Variants in ADAMTSL3 observed in about 807,000 individuals in gnomAD.
ADAMTSL3 encodes ADAMTS like 3.
In ADAMTSL3, 128 loss-of-function variants were observed where a neutral mutation model predicts 201.7. The observed-to-expected ratio is 0.63, with a 90% CI of 0.55 to 0.73. The LOEUF is 0.73. Among genes scored for constraint, ADAMTSL3 ranks in the 30% least tolerant of loss-of-function variants. The pLI is 0.00. For synonymous variants in ADAMTSL3, 738 were observed against 748.4 expected (o/e 0.99, Z 0.23); for missense variants, 1,990 against 2,119.6 (o/e 0.94, Z 1.20).
chr15:83,936,330 G>A (rs2066460054), intron 17 of ADAMTSL3, among the ~76,000 whole-genome samples: 1 of 150,478 alleles, frequency 6.6e-6, no homozygotes, highest in Admixed American at 6.6e-5. Context: ...TAACAGAGGG[G>A]AAAACAGAAT....
chr15:83,939,677 A>T (rs1399609209), intron 17 of ADAMTSL3, among the ~76,000 whole-genome samples: 1 of 150,426 alleles, frequency 6.6e-6, no homozygotes, highest in Non-Finnish European at 1.5e-5. Flanking sequence ...GCTGGAGTGC[A>T]GTGGCCTGAT....
intron 2 of ADAMTSL3, among the ~76,000 whole-genome samples, chr15:83,681,235 C>T (rs931099620): frequency 1.3e-5 from 2 of 152,164 alleles, no homozygotes; most frequent in Admixed American, 6.5e-5. Flanking sequence ...CATTTCTCCT[C>T]AGTGCTGTTG....
At chr15:83,902,798 A>T (rs1007946449) in intron 15 of ADAMTSL3, among the ~76,000 whole-genome samples, 3 of 151,928 alleles carry the variant, frequency 2.0e-5, no homozygotes, top group African/African-American at 7.3e-5. Flanking sequence ...CTCCTCTTTA[A>T]TTACACTCCC....
chr15:83,928,814 A>G (rs891361233), intron 17 of ADAMTSL3, among the ~76,000 whole-genome samples: 1 of 152,248 alleles, frequency 6.6e-6, no homozygotes, highest in Non-Finnish European at 1.5e-5. Flanking sequence ...TCAAGACTAA[A>G]TCAAACATTT....
intron 3 of ADAMTSL3, among the ~76,000 whole-genome samples, chr15:83,770,534 A>G (rs929130115): frequency 6.6e-6 from 1 of 152,204 alleles, no homozygotes. Flanking sequence ...ATAGAAAATG[A>G]TATATGTGTT....
At chr15:83,875,768 C>G (rs367824081) in intron 9 of ADAMTSL3, among the ~76,000 whole-genome samples, 1 of 151,620 alleles carries the variant, frequency 6.6e-6, no homozygotes. Context: ...GGTGACAGAG[C>G]GAGACTTCAT....
intron 3 of ADAMTSL3, among the ~76,000 whole-genome samples, chr15:83,736,041 A>C (rs1260112395): frequency 6.6e-6 from 1 of 152,206 alleles, no homozygotes; most frequent in African/African-American, 2.4e-5. Context: ...CAATATTGCC[A>C]AGATACCAAT....
chr15:83,827,588 T>C (rs2064053660), intron 6 of ADAMTSL3, among the ~76,000 whole-genome samples: 2 of 152,234 alleles, frequency 1.3e-5, no homozygotes, highest in South Asian at 4.1e-4. Context: ...TCCTTACCCA[T>C]GCCTATGTCC....
At chr15:83,783,519 A>G (rs950374334) in intron 4 of ADAMTSL3, among the ~76,000 whole-genome samples, 2 of 152,148 alleles carry the variant, frequency 1.3e-5, no homozygotes, top group African/African-American at 4.8e-5. Flanking sequence ...CTTAAATACA[A>G]GGATACCGAA....
intron 17 of ADAMTSL3, among the ~76,000 whole-genome samples, chr15:83,932,270 T>A (rs1049567907): frequency 1.3e-5 from 2 of 152,184 alleles, no homozygotes; most frequent in African/African-American, 4.8e-5. Flanking sequence ...TAAATACCTC[T>A]AAAATACTGG....
At chr15:83,951,738 G>C (rs958966983) in intron 19 of ADAMTSL3, among the ~76,000 whole-genome samples, 1 of 151,942 alleles carries the variant, frequency 6.6e-6, no homozygotes, top group Non-Finnish European at 1.5e-5. Flanking sequence ...GTTCAATCTG[G>C]GTAGGTTGTA....
intron 2 of ADAMTSL3, among the ~76,000 whole-genome samples, chr15:83,678,680 T>A (rs917534718): frequency 1.3e-5 from 2 of 148,422 alleles, no homozygotes; most frequent in African/African-American, 4.9e-5. Context: ...TCCCCCAAAT[T>A]GGGAAAATTT....
intron 6 of ADAMTSL3, among the ~76,000 whole-genome samples, chr15:83,826,798 A>T (rs2064034452): frequency 2.0e-5 from 3 of 151,728 alleles, no homozygotes; most frequent in Admixed American, 2.0e-4. Context: ...GCTGAGAATG[A>T]TGGTTTCCAG....
At chr15:83,691,945 A>C (rs922062089) in intron 2 of ADAMTSL3, among the ~76,000 whole-genome samples, 1 of 152,240 alleles carries the variant, frequency 6.6e-6, no homozygotes, top group Non-Finnish European at 1.5e-5. Flanking sequence ...AAATAAATAT[A>C]GAATGGTATG....
At chr15:83,791,261 G>C (rs2063340334) in intron 4 of ADAMTSL3, among the ~76,000 whole-genome samples, 1 of 152,088 alleles carries the variant, frequency 6.6e-6, no homozygotes, top group Non-Finnish European at 1.5e-5. Context: ...AACCATAAAA[G>C]ACCTCAAATA....
intron 17 of ADAMTSL3, among the ~76,000 whole-genome samples, chr15:83,932,385 C>G (rs2066374671): frequency 6.6e-6 from 1 of 152,256 alleles, no homozygotes; most frequent in Non-Finnish European, 1.5e-5. Flanking sequence ...TTAGTGGGGA[C>G]AGTTGTCAGT....
At chr15:83,787,893 A>G (rs2141816444) in intron 4 of ADAMTSL3, among the ~76,000 whole-genome samples, 1 of 151,494 alleles carries the variant, frequency 6.6e-6, no homozygotes, top group Middle Eastern at 3.4e-3. Context: ...CCAGAGTTTT[A>G]TATAACTTTG....
chr15:83,823,879 C>CCTT (rs773566331), intron 6 of ADAMTSL3, among the ~76,000 whole-genome samples: 1 of 141,468 alleles, frequency 7.1e-6, no homozygotes, highest in Non-Finnish European at 1.5e-5. Flanking sequence ...GACTCCATTT[C>CCTT]CTTCTTCTTC....
At chr15:83,828,457 T>A (rs2064076810) in intron 6 of ADAMTSL3, among the ~76,000 whole-genome samples, 1 of 152,206 alleles carries the variant, frequency 6.6e-6, no homozygotes, top group Non-Finnish European at 1.5e-5. Flanking sequence ...AAATATACAA[T>A]CATGTCATCT....
Sources: allele counts gnomAD v4.1 joint callset (sites outside exome capture counted in the v4.1 genomes callset), GRCh38; gene constraint gnomAD v4.1.1; transcripts MANE v1.5; gene names NCBI Gene and HGNC (gene_info 2026-07-23, HGNC 2026-07-21).